SCMH1: variants seen among roughly 807,000 people sequenced by gnomAD.
SCMH1 encodes Scm polycomb group protein homolog 1, also known as polycomb protein SCMH1.
SCMH1 carries 37 observed loss-of-function variants against 70.8 expected under a neutral mutation model. That is an observed-to-expected ratio of 0.52 (90% CI 0.40 to 0.69). The LOEUF (loss-of-function observed/expected upper bound fraction) is 0.69. Ranked by LOEUF, SCMH1 falls within the 30% of genes least tolerant of loss-of-function variation. SCMH1 has a pLI of 0.00. For synonymous variants in SCMH1, 292 were observed against 307.4 expected (o/e 0.95, Z 0.52); for missense variants, 607 against 827.3 (o/e 0.73, Z 3.27).
intron 6 of SCMH1, among the ~76,000 whole-genome samples, chr1:41,123,289 C>T (rs1672394749): frequency 6.6e-6 from 1 of 152,140 alleles, no homozygotes. Flanking sequence ...CCTCTGGTGG[C>T]AGGTAACAGA....
chr1:41,167,735 A>ATACTT (rs1393721830), intron 2 of SCMH1, among the ~76,000 whole-genome samples: 1 of 152,066 alleles, frequency 6.6e-6, no homozygotes, highest in African/African-American at 2.4e-5. Flanking sequence ...AGTGAGTTTT[A>ATACTT]TACTTTCATG....
rs141964201 is a variant in SCMH1 at position 41,121,340 on chromosome 1, C to T, written c.413-4330G>A. Among the ~76,000 whole-genome samples the T allele has an allele frequency of 2.8e-3, 433 of 152,284 alleles. 5 individuals carry two copies. The highest frequency in any genetic ancestry group is 9.7e-3 in the African/African-American group (402 of 41,558). On this transcript the variant is annotated intron_variant, in intron 6 of 14. Transcript: ENST00000337495. ...AGCCAGGATTTGAACCCAACTACTC[C>T]GTCTCCAGAGCTTTCATAACTAATC...
intron 8 of SCMH1, among the ~76,000 whole-genome samples, chr1:41,111,529 T>C (rs183787846): frequency 5.9e-5 from 9 of 152,314 alleles, no homozygotes; most frequent in Admixed American, 3.3e-4. Context: ...TTAGTAGAGA[T>C]GGGGCTTCAC....
At chr1:41,235,919 G>C (rs995986453) in intron 1 of SCMH1, among the ~76,000 whole-genome samples, 1 of 152,096 alleles carries the variant, frequency 6.6e-6, no homozygotes, top group Non-Finnish European at 1.5e-5. Flanking sequence ...TTACTATATA[G>C]ATCTAGATCA....
intron 12 of SCMH1, among the ~76,000 whole-genome samples, chr1:41,039,577 T>A (rs1645817858): frequency 6.6e-6 from 1 of 151,964 alleles, no homozygotes; most frequent in African/African-American, 2.4e-5. Flanking sequence ...CCTCCTGGGT[T>A]CAAGCAATTC....
intron 1 of SCMH1, among the ~76,000 whole-genome samples, chr1:41,236,424 T>C (rs1356719819): frequency 6.6e-6 from 1 of 151,944 alleles, no homozygotes; most frequent in East Asian, 1.9e-4. Context: ...TCCAATAAAA[T>C]GGTTAACAAT....
At chr1:41,092,550 G>A (rs1306579753) in intron 8 of SCMH1, among the ~76,000 whole-genome samples, 1 of 152,166 alleles carries the variant, frequency 6.6e-6, no homozygotes, top group Non-Finnish European at 1.5e-5. Flanking sequence ...AAGAGCTTCT[G>A]CACAGCAAAA....
intron 2 of SCMH1, among the ~76,000 whole-genome samples, chr1:41,171,585 C>A (rs1337360517): frequency 6.6e-6 from 1 of 151,786 alleles, no homozygotes; most frequent in Non-Finnish European, 1.5e-5. Context: ...TTACTGTCAT[C>A]CAACAGCTGT....
intron 1 of SCMH1, among the ~76,000 whole-genome samples, chr1:41,198,417 G>A (rs1460481178): frequency 2.6e-5 from 4 of 152,180 alleles, no homozygotes; most frequent in South Asian, 4.1e-4. Flanking sequence ...CACCCTCTGT[G>A]AGGGCAGAGA....
chr1:41,200,652 GGAA>G (rs1051926811), intron 1 of SCMH1, among the ~76,000 whole-genome samples: 3 of 151,598 alleles, frequency 2.0e-5, no homozygotes, highest in African/African-American at 4.8e-5. Flanking sequence ...TAAATTAAAG[GGAA>G]GAAGGGGTAT....
chr1:41,152,951 CAGTT>C (rs1237901829), intron 4 of SCMH1, among the ~76,000 whole-genome samples: 6 of 152,150 alleles, frequency 3.9e-5, no homozygotes, highest in South Asian at 2.1e-4. Context: ...CATGACTAGA[CAGTT>C]AGTCCATAGG....
chr1:41,159,242 C>T (rs1339299769), intron 4 of SCMH1, among the ~76,000 whole-genome samples: 1 of 152,132 alleles, frequency 6.6e-6, no homozygotes, highest in African/African-American at 2.4e-5. Context: ...AACCAATGCT[C>T]TAGGAAAAAT....
intron 8 of SCMH1, among the ~76,000 whole-genome samples, chr1:41,110,471 G>A (rs1445230284): frequency 6.6e-6 from 1 of 152,114 alleles, no homozygotes; most frequent in Admixed American, 6.6e-5. Context: ...CCTAGTCACT[G>A]GCAACCACGA....
rs754939004 is a variant in SCMH1 at position 41,174,233 on chromosome 1, A to G, written c.13+11888T>C. Among the ~76,000 whole-genome samples, 46 of 151,928 alleles carry G rather than the reference A, an allele frequency of 3.0e-4. 1 individual carries two copies. Among genetic ancestry groups the G allele is most frequent in the Non-Finnish European group, 8.8e-5 (6 of 68,016 alleles). ...ACAATTATGTTTCAATTAAAAAATA[A>G]TAACAGACAAAACCAAAAAAGTCTC... is the stretch of plus-strand genomic sequence containing the variant. On this transcript the variant is annotated intron_variant, in intron 2 of 14. Coordinates refer to ENST00000337495, the Ensembl canonical transcript of SCMH1.
intron 1 of SCMH1, among the ~76,000 whole-genome samples, chr1:41,201,147 G>C (rs149953185): frequency 4.1e-4 from 62 of 152,310 alleles, no homozygotes; most frequent in African/African-American, 1.5e-3. Context: ...ATTTGAACTT[G>C]ACAGAACAGC....
intron 8 of SCMH1, among the ~76,000 whole-genome samples, chr1:41,078,254 C>T (rs891035129): frequency 1.3e-5 from 2 of 151,822 alleles, no homozygotes; most frequent in Non-Finnish European, 2.9e-5. Context: ...TAAGTAGACA[C>T]AGTCAATAGG....
At chr1:41,152,533 C>A in intron 4 of SCMH1, 1 of 1,525,902 alleles carries the variant, frequency 6.6e-7, no homozygotes, top group East Asian at 2.3e-5. Context: ...CTCATTGGAT[C>A]ACTAAAGATT....
intron 12 of SCMH1, among the ~76,000 whole-genome samples, chr1:41,040,081 C>G (rs1325476065): frequency 1.3e-5 from 2 of 152,038 alleles, no homozygotes; most frequent in Admixed American, 6.5e-5. Flanking sequence ...TTACAGGATT[C>G]CTTTGCCCAT....
At chr1:41,028,104 C>T (rs1643989818) in exon 15 of SCMH1, 1 of 1,540,016 alleles carries the variant, frequency 6.5e-7, no homozygotes, top group Middle Eastern at 1.7e-4. Flanking sequence ...CGGAACCCCA[C>T]TGAGGTGCCT....
Sources: gnomAD v4.1 joint callset for allele counts (sites outside exome capture counted in the v4.1 genomes callset) on GRCh38, gnomAD v4.1.1 for gene constraint, MANE v1.5 for transcripts, NCBI Gene and HGNC (gene_info 2026-07-23, HGNC 2026-07-21) for gene names.